PAGE2B: variants seen among roughly 807,000 people sequenced by gnomAD.
PAGE2B encodes the protein putative G antigen family E member 3.
A neutral mutation model predicts 7.6 loss-of-function variants in PAGE2B; 5 were observed. The ratio of observed to expected loss-of-function variants is 0.66; its 90% CI spans 0.34 to 1.38. The LOEUF is 1.38. Among genes scored for constraint, PAGE2B ranks in the 40% most tolerant of loss-of-function variants. The pLI is 0.04. For synonymous variants in PAGE2B, 29 were observed against 26.7 expected, an observed-to-expected ratio of 1.09 and a Z score of -0.27; for missense variants, 70 against 78.4, an observed-to-expected ratio of 0.89 and a Z score of 0.41.
At chrX:55,052,285 A>G in the PAGE2B span, among the ~76,000 whole-genome samples, 1 of 112,563 alleles carries the variant, frequency 8.9e-6, no homozygotes, top group African/African-American at 3.2e-5. Flanking sequence ...CAGTCTGCCC[A>G]TTCTCAGATC....
the PAGE2B span, among the ~76,000 whole-genome samples, chrX:55,064,904 A>G: frequency 8.9e-6 from 1 of 111,913 alleles, no homozygotes; most frequent in African/African-American, 3.2e-5. Flanking sequence ...CATTTTGGTC[A>G]GAGAAGATGC....
At chrX:55,037,986 G>T in the PAGE2B span, among the ~76,000 whole-genome samples, 6 of 108,098 alleles carry the variant, frequency 5.6e-5, no homozygotes, top group Admixed American at 1.0e-4. Context: ...CACCAACATG[G>T]CACATGTATA....
chrX:55,056,832 A>G, the PAGE2B span, among the ~76,000 whole-genome samples: 3 of 111,201 alleles, frequency 2.7e-5, no homozygotes, highest in Non-Finnish European at 5.7e-5. Context: ...GCAGGAGAGG[A>G]AGAAAAGATG....
chrX:55,051,259 A>C, the PAGE2B span, among the ~76,000 whole-genome samples: 1 of 110,515 alleles, frequency 9.0e-6, no homozygotes, highest in African/African-American at 3.3e-5. Flanking sequence ...CTTCATTTCA[A>C]CTTTGGTGAA....
the PAGE2B span, among the ~76,000 whole-genome samples, chrX:55,047,871 T>C: frequency 8.9e-6 from 1 of 112,326 alleles, no homozygotes; most frequent in Non-Finnish European, 1.9e-5. Context: ...TTTGGTGTTT[T>C]AGACATGAAG....
chrX:55,050,682 T>A, the PAGE2B span, among the ~76,000 whole-genome samples: 1 of 111,640 alleles, frequency 9.0e-6, no homozygotes, highest in Non-Finnish European at 1.9e-5. Flanking sequence ...TCCATCCCTT[T>A]ATTTTGAGCC....
chrX:55,047,690 G>A, the PAGE2B span, among the ~76,000 whole-genome samples: 11 of 111,997 alleles, frequency 9.8e-5, no homozygotes, highest in Admixed American at 1.9e-4. Flanking sequence ...ATTTTTTCAT[G>A]TGTCTTTTGG....
chrX:55,034,053 G>A, the PAGE2B span, among the ~76,000 whole-genome samples: 4 of 111,785 alleles, frequency 3.6e-5, no homozygotes, highest in Non-Finnish European at 5.6e-5. Context: ...CCCAGTTAAC[G>A]ATAGTCTCAA....
At chrX:55,048,188 T>A in the PAGE2B span, among the ~76,000 whole-genome samples, 1 of 112,157 alleles carries the variant, frequency 8.9e-6, no homozygotes, top group East Asian at 2.8e-4. Flanking sequence ...TCTGTTTTGG[T>A]ACCAGCACCA....
chrX:55,038,345 T>C, the PAGE2B span, among the ~76,000 whole-genome samples: 1 of 112,178 alleles, frequency 8.9e-6, no homozygotes, highest in African/African-American at 3.2e-5. Flanking sequence ...CCTATATGAG[T>C]TGGCAGCTGA....
chrX:55,045,364 C>T, the PAGE2B span, among the ~76,000 whole-genome samples: 1 of 111,463 alleles, frequency 9.0e-6, no homozygotes, highest in Non-Finnish European at 1.9e-5. Flanking sequence ...ACACATATCA[C>T]GCTATGTTCA....
At chrX:55,071,562 G>A (rs1936449485), upstream of PAGE2B, among the ~76,000 whole-genome samples, 1 of 111,325 alleles carries the variant, frequency 9.0e-6, no homozygotes, top group African/African-American at 3.3e-5. Flanking sequence ...TCTTTGTGGT[G>A]TCCTCTGTAT....
At chrX:55,029,525 T>C in the PAGE2B span, among the ~76,000 whole-genome samples, 3 of 111,692 alleles carry the variant, frequency 2.7e-5, no homozygotes, top group Non-Finnish European at 5.6e-5. Flanking sequence ...GTGATTCAAA[T>C]ATTACTACCT....
upstream of PAGE2B, among the ~76,000 whole-genome samples, chrX:55,070,738 T>C (rs1376452313): frequency 8.9e-6 from 1 of 111,933 alleles, no homozygotes; most frequent in Non-Finnish European, 1.9e-5. Context: ...GCATATATAT[T>C]TAGAATAGTT....
At chrX:55,059,897 C>T in the PAGE2B span, among the ~76,000 whole-genome samples, 1 of 111,310 alleles carries the variant, frequency 9.0e-6, no homozygotes, top group African/African-American at 3.3e-5. Flanking sequence ...TGGTTTACTT[C>T]GCTTAGCATA....
upstream of PAGE2B, among the ~76,000 whole-genome samples, chrX:55,072,222 A>C (rs1298914127): frequency 8.9e-6 from 1 of 111,802 alleles, no homozygotes; most frequent in Admixed American, 9.4e-5. Flanking sequence ...TCTACCTTTG[A>C]TCTTAGAGGC....
At chrX:55,059,657 A>G in the PAGE2B span, among the ~76,000 whole-genome samples, 5 of 111,359 alleles carry the variant, frequency 4.5e-5, no homozygotes, top group Admixed American at 1.9e-4. Context: ...AATTTCAAGT[A>G]TATGATACAT....
the PAGE2B span, among the ~76,000 whole-genome samples, chrX:55,033,585 C>G: frequency 8.9e-6 from 1 of 111,828 alleles, no homozygotes; most frequent in Non-Finnish European, 1.9e-5. Context: ...TCCCCTCTCT[C>G]TCTCTGCATT....
chrX:55,048,617 G>A, the PAGE2B span, among the ~76,000 whole-genome samples: 5 of 111,374 alleles, frequency 4.5e-5, no homozygotes, highest in Non-Finnish European at 9.4e-5. Context: ...GTCTGTTATT[G>A]GTGTATAAGA....
Sources: allele counts gnomAD v4.1 joint callset (sites outside exome capture counted in the v4.1 genomes callset), GRCh38; gene constraint gnomAD v4.1.1; transcripts MANE v1.5; gene names NCBI Gene and HGNC (gene_info 2026-07-23, HGNC 2026-07-21).